The following CFDP1 variants were observed in gnomAD, a reference collection of about 807,000 sequenced individuals.
CFDP1 encodes heterochromatin-stabilizing protein CFDP1.
CFDP1 carries 31 observed loss-of-function variants against 40.1 expected under a neutral mutation model. The ratio of observed to expected loss-of-function variants is 0.77; its 90% CI spans 0.58 to 1.04. CFDP1 has a LOEUF of 1.04. Among genes scored for constraint, CFDP1 ranks in the 50% least tolerant of loss-of-function variants. CFDP1 has a pLI of 0.00. For synonymous variants in CFDP1, 167 were observed against 120.0 expected (o/e 1.39, Z -2.56); for missense variants, 423 against 343.4 (o/e 1.23, Z -1.83).
intron 1 of CFDP1, among the ~76,000 whole-genome samples, chr16:75,418,175 C>T (rs962146496): frequency 1.4e-5 from 2 of 141,932 alleles, no homozygotes; most frequent in Non-Finnish European, 3.0e-5. Flanking sequence ...ATTGCTTGAA[C>T]CTGGGGGGCG....
chr16:75,326,470 CT>C (rs1172354917), intron 5 of CFDP1, among the ~76,000 whole-genome samples: 3 of 152,220 alleles, frequency 2.0e-5, no homozygotes, highest in African/African-American at 7.2e-5. Flanking sequence ...GCAAGCTAAG[CT>C]GCAGAAAAGA....
At chr16:75,346,971 C>T (rs943322342) in intron 5 of CFDP1, among the ~76,000 whole-genome samples, 5 of 151,954 alleles carry the variant, frequency 3.3e-5, no homozygotes, top group Admixed American at 3.3e-4. Context: ...CAATGCGTCC[C>T]GGGAGCAGGA....
At chr16:75,328,350 C>T (rs55715607) in intron 5 of CFDP1, among the ~76,000 whole-genome samples, 24,753 of 146,570 alleles carry the variant, frequency 0.17, 2,212 homozygotes, top group Middle Eastern at 0.24. Context: ...TTTGGGAGGC[C>T]GAGGCAGGTG....
At chr16:75,414,820 T>A in intron 1 of CFDP1, 125 bp from the exon 2 acceptor site, 1 of 658,826 alleles carries the variant, frequency 1.5e-6, no homozygotes, top group African/African-American at 1.8e-5. Context: ...TTTCCCCTAC[T>A]CTTCACCTAA....
At chr16:75,398,896 A>C (rs2079022144) in intron 4 of CFDP1, among the ~76,000 whole-genome samples, 1 of 152,090 alleles carries the variant, frequency 6.6e-6, no homozygotes, top group Non-Finnish European at 1.5e-5. Context: ...CTACTAAAAA[A>C]TACAAAAAAA....
At chr16:75,417,427 C>A (rs966034567) in intron 1 of CFDP1, among the ~76,000 whole-genome samples, 1 of 151,928 alleles carries the variant, frequency 6.6e-6, no homozygotes, top group Non-Finnish European at 1.5e-5. Flanking sequence ...TATTTACCTC[C>A]AAGATATACT....
intron 5 of CFDP1, among the ~76,000 whole-genome samples, chr16:75,307,256 C>T (rs1408145492): frequency 6.6e-6 from 1 of 151,930 alleles, no homozygotes; most frequent in African/African-American, 2.4e-5. Flanking sequence ...TCTCTTGTTG[C>T]CCAGGCTGGA....
intron 5 of CFDP1, among the ~76,000 whole-genome samples, chr16:75,378,305 A>C (rs1305190230): frequency 6.6e-6 from 1 of 151,964 alleles, no homozygotes; most frequent in East Asian, 1.9e-4. Context: ...GAACTATGGC[A>C]TGATTAAGCT....
chr16:75,303,236 C>T (rs554809392), intron 6 of CFDP1, among the ~76,000 whole-genome samples: 64 of 150,886 alleles, frequency 4.2e-4, no homozygotes, highest in Middle Eastern at 3.4e-3. Context: ...CGTGTAGGCG[C>T]GCGCCTGTAA....
intron 5 of CFDP1, among the ~76,000 whole-genome samples, chr16:75,375,840 T>C (rs544907970): frequency 2.7e-5 from 4 of 150,520 alleles, no homozygotes; most frequent in South Asian, 2.1e-4. Context: ...AGGATACGTA[T>C]GGACCAAGTA....
At chr16:75,312,030 GCTGT>G (rs1400194546) in intron 5 of CFDP1, among the ~76,000 whole-genome samples, 9 of 152,108 alleles carry the variant, frequency 5.9e-5, no homozygotes, top group Non-Finnish European at 5.9e-5. Context: ...TTCGTTGAGG[GCTGT>G]CTGTCTTGAA....
chr16:75,428,226 T>G (rs913076071), intron 1 of CFDP1, among the ~76,000 whole-genome samples: 2 of 151,916 alleles, frequency 1.3e-5, no homozygotes, highest in Non-Finnish European at 2.9e-5. Context: ...CAGAGAACAG[T>G]ACATTGAAAA....
intron 4 of CFDP1, among the ~76,000 whole-genome samples, chr16:75,410,663 C>G (rs1446303667): frequency 6.6e-6 from 1 of 151,676 alleles, no homozygotes; most frequent in Non-Finnish European, 1.5e-5. Flanking sequence ...AATCCCAGCA[C>G]TTTGGGAGGC....
intron 5 of CFDP1, among the ~76,000 whole-genome samples, chr16:75,334,509 G>C (rs542736802): frequency 1.3e-5 from 2 of 150,892 alleles, no homozygotes; most frequent in Non-Finnish European, 2.9e-5. Flanking sequence ...GCTGGAGGCA[G>C]CGCAGAGGGT....
chr16:75,310,360 C>G (rs867166934), intron 5 of CFDP1, among the ~76,000 whole-genome samples: 1 of 152,088 alleles, frequency 6.6e-6, no homozygotes, highest in African/African-American at 2.4e-5. Context: ...CCCACCATGC[C>G]AAACCAAGAC....
At chr16:75,416,141 C>T (rs7199132) in intron 1 of CFDP1, among the ~76,000 whole-genome samples, 78,777 of 151,848 alleles carry the variant, frequency 0.52, 21,481 homozygotes, top group Admixed American at 0.64. Context: ...CAGGAGCCAC[C>T]GCACACGGCC....
intron 5 of CFDP1, among the ~76,000 whole-genome samples, chr16:75,314,743 A>G (rs1282711403): frequency 6.6e-6 from 1 of 152,152 alleles, no homozygotes; most frequent in African/African-American, 2.4e-5. Flanking sequence ...ATGAAGGACA[A>G]TATTTTTATT....
At chr16:75,358,385 A>T (rs1366152784) in intron 5 of CFDP1, among the ~76,000 whole-genome samples, 1 of 152,212 alleles carries the variant, frequency 6.6e-6, no homozygotes, top group East Asian at 1.9e-4. Flanking sequence ...TAATCTCTTC[A>T]GATATTCAAT....
At position 75,386,742 on chromosome 16, in the gene CFDP1, TTC is replaced by T. The variant is rs367961624; in HGVS notation, c.650+8346_650+8347del. ...TCCGTCTCAAAAAAAAAGAGAAACCTTCTCTCTGTTTAGAGTCTCATTTAGAT... is the reference window on the plus strand; with the variant it reads ...TCCGTCTCAAAAAAAAAGAGAAACCTTCTCTGTTTAGAGTCTCATTTAGAT... On this transcript the variant is annotated intron_variant, in intron 5 of 6. Transcript: ENST00000283882. 1.4e-4 allele frequency among the ~76,000 whole-genome samples: 22 copies of T among 152,120 alleles called. No homozygotes were observed. In the South Asian group the frequency reaches 3.9e-3, roughly 27 times the overall value.
Sources: allele counts gnomAD v4.1 joint callset (sites outside exome capture counted in the v4.1 genomes callset), GRCh38; gene constraint gnomAD v4.1.1; transcripts MANE v1.5; gene names NCBI Gene and HGNC (gene_info 2026-07-23, HGNC 2026-07-21).